NBN: variants seen among roughly 807,000 people sequenced by gnomAD.
The protein encoded by NBN is nibrin.
In NBN, 88 loss-of-function variants were observed where a neutral mutation model predicts 90.8. The observed-to-expected ratio is 0.97, with a 90% confidence interval of 0.82 to 1.16. The LOEUF (loss-of-function observed/expected upper bound fraction) is 1.16, where lower values mean the gene tolerates loss of function less well. Among genes scored for constraint, NBN ranks in the 50% most tolerant of loss-of-function variants. The pLI is 0.00. For missense variants in NBN, 894 were observed against 869.6 expected, an observed-to-expected ratio of 1.03 and a Z score of -0.35; for synonymous variants, 328 against 295.1, an observed-to-expected ratio of 1.11 and a Z score of -1.14.
At chr8:89,981,569 T>C (rs773919801) in intron 2 of NBN, 46 bp from the exon 3 acceptor site, 3 of 1,602,964 alleles carry the variant, frequency 1.9e-6, no homozygotes, top group Admixed American at 1.7e-5. Context: ...ACTCAGTACA[T>C]TCACTTCTCA....
intron 5 of NBN, among the ~76,000 whole-genome samples, chr8:89,971,804 A>G (rs1424142291): frequency 1.3e-5 from 2 of 152,360 alleles, no homozygotes; most frequent in African/African-American, 2.4e-5. Flanking sequence ...AAAATTTCCA[A>G]AACAAGACTA....
intron 2 of NBN, 27 bp from the exon 3 acceptor site, chr8:89,981,550 T>C: frequency 6.2e-7 from 1 of 1,610,672 alleles, no homozygotes; most frequent in Non-Finnish European, 8.5e-7. Flanking sequence ...TAATTTAAAG[T>C]CTTTTACCAC....
intron 8 of NBN, among the ~76,000 whole-genome samples, chr8:89,960,698 T>C (rs1199012905): frequency 6.6e-6 from 1 of 152,144 alleles, no homozygotes; most frequent in Non-Finnish European, 1.5e-5. Flanking sequence ...CTGGTGTTTG[T>C]TAACAGATTA....
At chr8:89,940,402 C>A (rs1809884322) in intron 14 of NBN, among the ~76,000 whole-genome samples, 1 of 152,078 alleles carries the variant, frequency 6.6e-6, no homozygotes, top group Non-Finnish European at 1.5e-5. Context: ...TAGTCATGAG[C>A]CACACCATTG....
intron 2 of NBN, 115 bp from the exon 3 acceptor site, chr8:89,981,638 G>GACA: frequency 9.6e-7 from 1 of 1,038,864 alleles, no homozygotes; most frequent in Non-Finnish European, 1.4e-6. Context: ...CAACACGGCA[G>GACA]ACAACAATTA....
chr8:89,951,595 C>T (rs1296661397), intron 11 of NBN, among the ~76,000 whole-genome samples: 2 of 152,104 alleles, frequency 1.3e-5, no homozygotes, highest in Non-Finnish European at 2.9e-5. Flanking sequence ...ATGTATTAAA[C>T]TTAGCAAATG....
At chr8:89,950,448 G>T (rs1047713787) in intron 11 of NBN, among the ~76,000 whole-genome samples, 2 of 134,580 alleles carry the variant, frequency 1.5e-5, no homozygotes, top group African/African-American at 5.4e-5. Context: ...ATGTACAGAC[G>T]CATTTTTTTT....
chr8:89,973,105 C>T (rs2293775), intron 5 of NBN, among the ~76,000 whole-genome samples: 2 of 152,016 alleles, frequency 1.3e-5, no homozygotes, highest in Non-Finnish European at 2.9e-5. Context: ...TTATTAGTGT[C>T]ATTCTTTAAC....
chr8:89,980,675 TG>T (rs2129907525), intron 4 of NBN, 58 bp downstream of exon 4: 1 of 1,444,302 alleles, frequency 6.9e-7, no homozygotes, highest in Non-Finnish European at 9.7e-7. Flanking sequence ...CTGTGTATAG[TG>T]GGTAAGCTTA....
At chr8:89,975,727 T>A (rs781090374) in intron 5 of NBN, among the ~76,000 whole-genome samples, 2 of 152,122 alleles carry the variant, frequency 1.3e-5, no homozygotes, top group Non-Finnish European at 2.9e-5. Flanking sequence ...TAAACACAAC[T>A]GACAATGTGA....
intron 11 of NBN, among the ~76,000 whole-genome samples, chr8:89,949,229 A>G (rs1810334038): frequency 6.6e-6 from 1 of 152,220 alleles, no homozygotes; most frequent in African/African-American, 2.4e-5. Context: ...TGACCTTGGC[A>G]AGTTACTTAA....
At chr8:89,962,188 G>C (rs1811019389) in intron 8 of NBN, among the ~76,000 whole-genome samples, 1 of 152,100 alleles carries the variant, frequency 6.6e-6, no homozygotes, top group Non-Finnish European at 1.5e-5. Flanking sequence ...CAGATGTCTA[G>C]GATGCATCCC....
chr8:89,950,060 T>C (rs1481851151), intron 11 of NBN, among the ~76,000 whole-genome samples: 1 of 152,240 alleles, frequency 6.6e-6, no homozygotes, highest in East Asian at 1.9e-4. Context: ...GATAAAGGGT[T>C]CGCTGCATGT....
intron 14 of NBN, among the ~76,000 whole-genome samples, chr8:89,941,706 G>C (rs545890818): frequency 6.6e-6 from 1 of 151,994 alleles, no homozygotes; most frequent in African/African-American, 2.4e-5. Flanking sequence ...TGGGCTTTAG[G>C]TTTTCACATC....
rs144282638 is a variant in NBN, at chr8:89,962,692, C to T, written c.994+1718G>A. Reference sequence around the variant, plus strand: ...ATATTTAAAACTTCACAAGAACTTACGACTGTGTGTATTTGAAGGTTACCT... The same window carrying T: ...ATATTTAAAACTTCACAAGAACTTATGACTGTGTGTATTTGAAGGTTACCT... On this transcript the variant is annotated intron_variant, in intron 8 of 15. Coordinates refer to ENST00000265433, the MANE Select transcript of NBN (RefSeq NM_002485.5). Among the ~76,000 whole-genome samples the T allele has an allele frequency of 1.1e-4, 16 of 152,244 alleles. No individual in the cohort carries two copies. In the East Asian group the frequency reaches 2.5e-3, roughly 24 times the overall value.
intron 7 of NBN, among the ~76,000 whole-genome samples, chr8:89,967,918 T>G (rs1811327203): frequency 6.6e-6 from 1 of 152,168 alleles, no homozygotes; most frequent in African/African-American, 2.4e-5. Context: ...CAGGTATCAT[T>G]TTAAGTGACA....
intron 6 of NBN, 88 bp from the exon 7 acceptor site, chr8:89,970,645 AT>A: frequency 1.5e-6 from 2 of 1,306,178 alleles, no homozygotes; most frequent in Non-Finnish European, 2.2e-6. Context: ...TAGAAGTACA[AT>A]TCAAGAAGAC....
At chr8:89,946,324 G>C in intron 12 of NBN, 29 bp from the exon 13 acceptor site, 1 of 1,540,508 alleles carries the variant, frequency 6.5e-7, no homozygotes, top group Non-Finnish European at 9.0e-7. Context: ...GGATAGGTAA[G>C]AAAGAGAAGA....
chr8:89,968,232 CT>C, intron 7 of NBN, among the ~76,000 whole-genome samples: 1 of 152,232 alleles, frequency 6.6e-6, no homozygotes, highest in East Asian at 1.9e-4. Context: ...GCACTCCAGC[CT>C]GGAGTGAAAC....
Sources: allele counts gnomAD v4.1 joint callset (sites outside exome capture counted in the v4.1 genomes callset), GRCh38; gene constraint gnomAD v4.1.1; transcripts MANE v1.5; gene names NCBI Gene and HGNC (gene_info 2026-07-23, HGNC 2026-07-21).